The following BTBD9 variants were observed in gnomAD, a reference collection of about 807,000 sequenced individuals.
The protein encoded by BTBD9 is BTB domain containing 9, also known as BTB/POZ domain-containing protein 9.
A neutral mutation model predicts 64.3 loss-of-function variants in BTBD9; 49 were observed. That is an observed-to-expected ratio of 0.76 (90% CI 0.61 to 0.97). The LOEUF (loss-of-function observed/expected upper bound fraction) is 0.97. BTBD9 is among the 50% of genes least tolerant of loss of function. The probability of loss-of-function intolerance (pLI) is 0.00; values close to 1 mark genes in which losing one functional copy is unlikely to be tolerated. For missense variants in BTBD9, 598 were observed against 762.1 expected (o/e 0.78, Z 2.53); for synonymous variants, 260 against 274.7 (o/e 0.95, Z 0.53).
intron 6 of BTBD9, among the ~76,000 whole-genome samples, chr6:38,437,677 T>C (rs1440833110): frequency 2.6e-5 from 4 of 152,212 alleles, no homozygotes; most frequent in African/African-American, 9.6e-5. Flanking sequence ...TTCCAGGCTT[T>C]CTGCTTAGTA....
chr6:38,231,636 C>T (rs939287862), intron 9 of BTBD9, among the ~76,000 whole-genome samples: 1 of 152,162 alleles, frequency 6.6e-6, no homozygotes. Flanking sequence ...GTAGTCAACA[C>T]ATAAAGTGGG....
At chr6:38,580,959 G>A (rs1249585793) in intron 4 of BTBD9, among the ~76,000 whole-genome samples, 2 of 152,168 alleles carry the variant, frequency 1.3e-5, no homozygotes, top group Non-Finnish European at 2.9e-5. Context: ...TTGGGAGGCC[G>A]AGGTGGGCGG....
intron 8 of BTBD9, among the ~76,000 whole-genome samples, chr6:38,286,672 G>A (rs1761738869): frequency 6.6e-6 from 1 of 152,184 alleles, no homozygotes; most frequent in African/African-American, 2.4e-5. Flanking sequence ...TGCATAATGA[G>A]ATGTTTTAGT....
At chr6:38,325,200 T>C (rs555464233) in intron 7 of BTBD9, among the ~76,000 whole-genome samples, 1 of 152,002 alleles carries the variant, frequency 6.6e-6, no homozygotes, top group African/African-American at 2.4e-5. Flanking sequence ...AATTGCCCAA[T>C]ATTATAGATT....
At chr6:38,622,596 A>G (rs1344836536) in intron 1 of BTBD9, among the ~76,000 whole-genome samples, 1 of 152,152 alleles carries the variant, frequency 6.6e-6, no homozygotes, top group African/African-American at 2.4e-5. Flanking sequence ...ATGCTCTTAC[A>G]TTTCCAACCT....
chr6:38,371,088 C>G (rs1446596446), intron 6 of BTBD9, among the ~76,000 whole-genome samples: 12 of 152,154 alleles, frequency 7.9e-5, no homozygotes, highest in Non-Finnish European at 1.8e-4. Flanking sequence ...CAGGACTTAT[C>G]ACATTGCTCT....
At chr6:38,224,301 A>C (rs1763315919) in intron 9 of BTBD9, among the ~76,000 whole-genome samples, 1 of 152,186 alleles carries the variant, frequency 6.6e-6, no homozygotes, top group South Asian at 2.1e-4. Flanking sequence ...CTATGTTTTC[A>C]TTCCTCTTGG....
intron 8 of BTBD9, among the ~76,000 whole-genome samples, chr6:38,287,699 T>A (rs1047091193): frequency 3.9e-5 from 6 of 152,202 alleles, no homozygotes; most frequent in Non-Finnish European, 8.8e-5. Context: ...GACAGTGCAT[T>A]TCTTACAGTG....
chr6:38,218,512 G>A (rs921901582), intron 9 of BTBD9, among the ~76,000 whole-genome samples: 1 of 152,160 alleles, frequency 6.6e-6, no homozygotes, highest in African/African-American at 2.4e-5. Flanking sequence ...CCAACCCCTT[G>A]GACCTGCCAG....
At chr6:38,374,306 T>TATAC (rs1491240635) in intron 6 of BTBD9, among the ~76,000 whole-genome samples, 5 of 84,626 alleles carry the variant, frequency 5.9e-5, no homozygotes, top group Non-Finnish European at 1.1e-4. Context: ...TGTATATATA[T>TATAC]GTATATATAT....
chr6:38,577,863 G>A, intron 5 of BTBD9, 144 bp from the exon 6 acceptor site: 1 of 761,084 alleles, frequency 1.3e-6, no homozygotes, highest in South Asian at 1.8e-5. Context: ...AATAACAAAA[G>A]AATGTTATGA....
In BTBD9 at chr6:38,209,592, A is replaced by G. The variant is rs527905654; in HGVS notation, c.1563-16995T>C. ...AACTCCCAGACCACAGCCCACACCA[A>G]TTAACGCTCAAAACCTCTGGGGGGG... On this transcript the variant is annotated intron_variant, in intron 9 of 10. Coordinates refer to ENST00000481247, the MANE Select transcript of BTBD9 (RefSeq NM_001099272.2). Among the ~76,000 whole-genome samples the G allele has an allele frequency of 1.1e-3, 163 of 152,232 alleles. 2 individuals are homozygous for G. The highest frequency in any genetic ancestry group is 3.7e-3 in the African/African-American group (153 of 41,548).
chr6:38,374,282 A>G (rs1186217797), intron 6 of BTBD9, among the ~76,000 whole-genome samples: 5 of 34,550 alleles, frequency 1.4e-4, no homozygotes, highest in Non-Finnish European at 4.4e-5. Context: ...AAAAAAAAAA[A>G]GTATATATAT....
At chr6:38,320,303 T>TG (rs1021999261) in intron 7 of BTBD9, among the ~76,000 whole-genome samples, 1 of 152,206 alleles carries the variant, frequency 6.6e-6, no homozygotes, top group Non-Finnish European at 1.5e-5. Flanking sequence ...TTGGTGTTCC[T>TG]GGGGGGAGGA....
At chr6:38,438,459 T>A (rs1222592959) in intron 6 of BTBD9, among the ~76,000 whole-genome samples, 1 of 152,124 alleles carries the variant, frequency 6.6e-6, no homozygotes, top group Non-Finnish European at 1.5e-5. Flanking sequence ...GGCAGAGGCA[T>A]GGGAGTGATG....
At chr6:38,304,382 C>A (rs1762543628) in intron 7 of BTBD9, among the ~76,000 whole-genome samples, 1 of 151,872 alleles carries the variant, frequency 6.6e-6, no homozygotes, top group South Asian at 2.1e-4. Context: ...CCCGTTTCTA[C>A]TAAAAATACA....
intron 9 of BTBD9, among the ~76,000 whole-genome samples, chr6:38,236,786 G>A (rs975783094): frequency 1.3e-5 from 2 of 152,216 alleles, no homozygotes; most frequent in Non-Finnish European, 2.9e-5. Flanking sequence ...TTCATGTGCA[G>A]AGTGGATTCA....
Position 38,557,281 on chromosome 6 carries a change from G to A in BTBD9, c.1154+20319C>T, listed in dbSNP as rs571890027. On this transcript the variant is annotated intron_variant, in intron 6 of 10. Coordinates refer to ENST00000481247, the MANE Select transcript of BTBD9 (RefSeq NM_001099272.2). ...GAATCACTTCACCCCGGAGGCAGAGGCTGCAGTGAGCCAAGATCGTGCCAT... is the reference window on the plus strand; with the variant it reads ...GAATCACTTCACCCCGGAGGCAGAGACTGCAGTGAGCCAAGATCGTGCCAT... Among the ~76,000 whole-genome samples, 23 of 152,234 alleles carry A rather than the reference G, an allele frequency of 1.5e-4. No individual in the cohort carries two copies. The South Asian group carries it at 4.4e-3, about 29-fold the overall frequency.
intron 9 of BTBD9, among the ~76,000 whole-genome samples, chr6:38,210,138 A>G (rs1762781514): frequency 6.6e-6 from 1 of 151,966 alleles, no homozygotes; most frequent in African/African-American, 2.4e-5. Context: ...CCTTGCTCCC[A>G]CTCTGCCATA....
Sources: gnomAD v4.1 joint callset for allele counts (sites outside exome capture counted in the v4.1 genomes callset) on GRCh38, gnomAD v4.1.1 for gene constraint, MANE v1.5 for transcripts, NCBI Gene and HGNC (gene_info 2026-07-23, HGNC 2026-07-21) for gene names.